FOCAD: variants seen among roughly 807,000 people sequenced by gnomAD.
FOCAD encodes the protein focadhesin, also known as KIAA1797.
In FOCAD, 198 loss-of-function variants were observed where a neutral mutation model predicts 225.6. That is an observed-to-expected ratio of 0.88 (90% CI 0.78 to 0.99). The LOEUF (loss-of-function observed/expected upper bound fraction) is 0.99, where lower values mean the gene tolerates loss of function less well. Ranked by LOEUF, FOCAD falls within the 50% of genes least tolerant of loss-of-function variation. The probability of loss-of-function intolerance (pLI) is 0.00; values close to 1 mark genes in which losing one functional copy is unlikely to be tolerated. For missense variants in FOCAD, 2,713 were observed against 2,123.6 expected (o/e 1.28, Z -5.46); for synonymous variants, 897 against 755.0 (o/e 1.19, Z -3.08).
intron 15 of FOCAD, among the ~76,000 whole-genome samples, chr9:20,834,291 G>T (rs1260025987): frequency 1.3e-5 from 2 of 151,872 alleles, no homozygotes; most frequent in Admixed American, 6.6e-5. Context: ...ACACACTGGG[G>T]TCTGTTGTGG....
intron 2 of FOCAD, among the ~76,000 whole-genome samples, chr9:20,663,650 A>G (rs1033654418): frequency 6.6e-6 from 1 of 152,180 alleles, no homozygotes; most frequent in Non-Finnish European, 1.5e-5. Context: ...TATAGTTGCC[A>G]CTTCAATAAT....
chr9:20,988,037 G>A (rs1286474020), intron 40 of FOCAD, among the ~76,000 whole-genome samples: 1 of 152,186 alleles, frequency 6.6e-6, no homozygotes, highest in Non-Finnish European at 1.5e-5. Context: ...CTCCTAGTGT[G>A]TTTAATTTTG....
intron 35 of FOCAD, among the ~76,000 whole-genome samples, chr9:20,956,224 C>G (rs1838124559): frequency 6.6e-6 from 1 of 152,264 alleles, no homozygotes; most frequent in South Asian, 2.1e-4. Context: ...AGGGAACAGA[C>G]TTAGTGAACT....
chr9:20,678,289 A>G (rs1365785697), intron 2 of FOCAD, among the ~76,000 whole-genome samples: 1 of 152,198 alleles, frequency 6.6e-6, no homozygotes, highest in Admixed American at 6.5e-5. Context: ...GTTATTAGAG[A>G]TACATGGCTA....
intron 4 of FOCAD, among the ~76,000 whole-genome samples, chr9:20,732,984 A>T (rs1826839771): frequency 6.6e-6 from 1 of 152,138 alleles, no homozygotes; most frequent in Non-Finnish European, 1.5e-5. Flanking sequence ...CTGAAGTGGA[A>T]ATGTCTAGTA....
chr9:20,891,171 C>T (rs114631372), intron 21 of FOCAD, among the ~76,000 whole-genome samples: 187 of 152,260 alleles, frequency 1.2e-3, no homozygotes, highest in African/African-American at 4.4e-3. Flanking sequence ...CCATGAACTT[C>T]ATAAATGTTG....
chr9:20,859,942 G>GT (rs886120130), intron 15 of FOCAD, among the ~76,000 whole-genome samples: 5 of 151,786 alleles, frequency 3.3e-5, no homozygotes, highest in Admixed American at 2.6e-4. Context: ...ATGATTATGA[G>GT]TTTTTTTGGG....
At position 20,740,247 on chromosome 9, in the gene FOCAD, G is replaced by A; in HGVS notation, c.299G>A (p.Gly100Asp). The A allele has an allele frequency of 6.2e-7, 1 of 1,601,238 alleles. No individual in the cohort carries two copies. Among genetic ancestry groups the A allele is most frequent in the East Asian group, 2.2e-5 (1 of 44,714 alleles). The change falls in exon 5 of 44, where the codon GGC becomes GAC. Residue 100 changes from glycine to aspartate, a missense_variant. Transcript: ENST00000338382. Reference sequence around the variant, plus strand: ...ATATTTCTTTGCAGAAATACACATGGCTTGATAAAAGCCATTATGCACTTA... The same window carrying A: ...ATATTTCTTTGCAGAAATACACATGACTTGATAAAAGCCATTATGCACTTA... ...NLIPSTRNTH[G>D]LIKAIMHLLQ...
chr9:20,773,276 A>G (rs760570952), intron 8 of FOCAD, among the ~76,000 whole-genome samples: 4 of 152,234 alleles, frequency 2.6e-5, no homozygotes, highest in Non-Finnish European at 5.9e-5. Context: ...AGTTGAAAGC[A>G]GACAAGGTTC....
At chr9:20,784,216 C>T (rs1819684479) in intron 10 of FOCAD, among the ~76,000 whole-genome samples, 1 of 152,194 alleles carries the variant, frequency 6.6e-6, no homozygotes, top group South Asian at 2.1e-4. Context: ...GAAGCCACCT[C>T]TGGGATATCC....
At chr9:20,724,944 A>G (rs964962513) in intron 4 of FOCAD, among the ~76,000 whole-genome samples, 2 of 152,082 alleles carry the variant, frequency 1.3e-5, no homozygotes, top group African/African-American at 4.8e-5. Flanking sequence ...TGAGGCAGGT[A>G]CATCGCTTGA....
At chr9:20,968,603 A>G (rs1466465334) in intron 35 of FOCAD, among the ~76,000 whole-genome samples, 4 of 151,306 alleles carry the variant, frequency 2.6e-5, no homozygotes, top group Non-Finnish European at 4.4e-5. Context: ...CACCATGCCC[A>G]GCTAATTTTT....
chr9:20,697,318 A>T (rs754212992), intron 1 of FOCAD, among the ~76,000 whole-genome samples: 8 of 152,108 alleles, frequency 5.3e-5, no homozygotes, highest in Non-Finnish European at 1.0e-4. Flanking sequence ...AGAAGCCACA[A>T]TGATCTTTTT....
At chr9:20,686,942 A>G (rs1822704519) in intron 1 of FOCAD, among the ~76,000 whole-genome samples, 1 of 152,104 alleles carries the variant, frequency 6.6e-6, no homozygotes, top group Non-Finnish European at 1.5e-5. Context: ...TCTATTTTCA[A>G]ACAATGGATT....
intron 35 of FOCAD, among the ~76,000 whole-genome samples, chr9:20,969,526 C>T (rs1451629758): frequency 6.6e-6 from 1 of 151,922 alleles, no homozygotes; most frequent in Non-Finnish European, 1.5e-5. Context: ...AACTGAGCAT[C>T]AACAACATAT....
intron 7 of FOCAD, among the ~76,000 whole-genome samples, chr9:20,765,439 GA>G (rs1003908083): frequency 6.7e-4 from 96 of 143,210 alleles, no homozygotes; most frequent in Admixed American, 7.0e-4. Flanking sequence ...GTGCACATTG[GA>G]AAAAAAAAAA....
At chr9:20,770,387 G>C (rs773202011) in intron 8 of FOCAD, 149 bp downstream of exon 8, 13 of 696,810 alleles carry the variant, frequency 1.9e-5, no homozygotes, top group Non-Finnish European at 3.0e-5. Flanking sequence ...AGCTTCTGGG[G>C]AGGCCTCAGG....
At chr9:20,732,566 A>G (rs1360449623) in intron 4 of FOCAD, among the ~76,000 whole-genome samples, 1 of 152,156 alleles carries the variant, frequency 6.6e-6, no homozygotes, top group Non-Finnish European at 1.5e-5. Context: ...TTGGGTCTTT[A>G]TCCTGGGTGG....
rs201883496 is a variant in FOCAD, at chr9:20,874,638, T to G, written c.2191-43T>G. On this transcript the variant is annotated intron_variant, in intron 18 of 43. Coordinates refer to ENST00000338382, the MANE Select transcript of FOCAD (RefSeq NM_001375567.1). ...ATACAGAAAAGATTTTGCATAATGTTTTATTATTATCCTCTCTATGATCTT... is the reference window on the plus strand; with the variant it reads ...ATACAGAAAAGATTTTGCATAATGTGTTATTATTATCCTCTCTATGATCTT... 1.4e-3 allele frequency: 2,192 copies of G among 1,585,216 alleles called. 4 individuals carry two copies. Among genetic ancestry groups the G allele is most frequent in the Non-Finnish European group, 1.8e-3 (2,079 of 1,167,184 alleles).
Sources: gnomAD v4.1 joint callset for allele counts (sites outside exome capture counted in the v4.1 genomes callset) on GRCh38, gnomAD v4.1.1 for gene constraint, MANE v1.5 for transcripts, NCBI Gene and HGNC (gene_info 2026-07-23, HGNC 2026-07-21) for gene names.